SPAG16: variants seen among roughly 807,000 people sequenced by gnomAD.
The protein encoded by SPAG16 is sperm associated antigen 16, also known as sperm-associated antigen 16 protein.
A neutral mutation model predicts 80.4 loss-of-function variants in SPAG16; 86 were observed. The observed-to-expected ratio is 1.07, with a 90% CI of 0.90 to 1.28. SPAG16 has a LOEUF of 1.28. Ranked by LOEUF, SPAG16 falls within the 50% of genes most tolerant of loss-of-function variation. The pLI is 0.00. For missense variants in SPAG16, 870 were observed against 765.3 expected (o/e 1.14, Z -1.61); for synonymous variants, 294 against 265.9 (o/e 1.11, Z -1.03).
intron 12 of SPAG16, among the ~76,000 whole-genome samples, chr2:213,960,593 T>C (rs542320665): frequency 3.4e-4 from 52 of 152,316 alleles, no homozygotes; most frequent in African/African-American, 1.2e-3. Context: ...TTGTAGGCAG[T>C]CTGTGTGCCA....
At chr2:213,595,343 T>C (rs2060849795) in intron 10 of SPAG16, among the ~76,000 whole-genome samples, 2 of 152,160 alleles carry the variant, frequency 1.3e-5, no homozygotes, top group African/African-American at 4.8e-5. Flanking sequence ...TCATTAATAA[T>C]ATCATTTCTT....
chr2:213,890,874 C>T (rs1559556885), intron 11 of SPAG16, among the ~76,000 whole-genome samples: 1 of 151,918 alleles, frequency 6.6e-6, no homozygotes, highest in Non-Finnish European at 1.5e-5. Context: ...GTTTAATTGA[C>T]ATCATTTTGA....
intron 15 of SPAG16, among the ~76,000 whole-genome samples, chr2:214,183,844 C>G (rs933954507): frequency 6.6e-6 from 1 of 151,932 alleles, no homozygotes; most frequent in African/African-American, 2.4e-5. Context: ...TATAGATTAC[C>G]CCATCTGAGA....
At chr2:213,835,988 G>A (rs922416899) in intron 10 of SPAG16, among the ~76,000 whole-genome samples, 2 of 152,040 alleles carry the variant, frequency 1.3e-5, no homozygotes, top group African/African-American at 4.8e-5. Context: ...GTAACTGTTT[G>A]TATATGTTGA....
intron 10 of SPAG16, among the ~76,000 whole-genome samples, chr2:213,795,946 T>C (rs1391837459): frequency 2.6e-5 from 4 of 152,146 alleles, no homozygotes; most frequent in African/African-American, 9.7e-5. Flanking sequence ...CAGCCTCAAG[T>C]GTTTCTTTAT....
intron 10 of SPAG16, among the ~76,000 whole-genome samples, chr2:213,837,270 G>T (rs1313371569): frequency 6.6e-6 from 1 of 152,146 alleles, no homozygotes; most frequent in African/African-American, 2.4e-5. Flanking sequence ...GAGAAAATTA[G>T]AATCTATTTA....
chr2:213,380,488 G>C (rs373306213), intron 9 of SPAG16, among the ~76,000 whole-genome samples: 5 of 152,128 alleles, frequency 3.3e-5, no homozygotes, highest in Admixed American at 6.6e-5. Context: ...TGTGCCTTCG[G>C]GACCTGCTTG....
At chr2:213,488,141 T>C (rs1265005911) in intron 9 of SPAG16, among the ~76,000 whole-genome samples, 1 of 152,104 alleles carries the variant, frequency 6.6e-6, no homozygotes, top group Non-Finnish European at 1.5e-5. Context: ...TTTAGTGATA[T>C]ATTAAAAGAA....
At chr2:214,003,827 A>G (rs1468844767) in intron 12 of SPAG16, among the ~76,000 whole-genome samples, 2 of 152,210 alleles carry the variant, frequency 1.3e-5, no homozygotes, top group Non-Finnish European at 2.9e-5. Context: ...CTTACTGACA[A>G]ATGTACGTTC....
chr2:214,060,777 C>T (rs2050221246), intron 13 of SPAG16, among the ~76,000 whole-genome samples: 1 of 152,008 alleles, frequency 6.6e-6, no homozygotes, highest in Non-Finnish European at 1.5e-5. Flanking sequence ...TGGAATGCTA[C>T]AACACAAATA....
chr2:213,916,371 A>G (rs2077970530), intron 11 of SPAG16, among the ~76,000 whole-genome samples: 1 of 152,204 alleles, frequency 6.6e-6, no homozygotes, highest in Non-Finnish European at 1.5e-5. Context: ...TAAATAGGGA[A>G]TTCTTTCCCC....
At chr2:213,544,694 A>G (rs1385492639) in intron 10 of SPAG16, among the ~76,000 whole-genome samples, 1 of 151,788 alleles carries the variant, frequency 6.6e-6, no homozygotes, top group Admixed American at 6.6e-5. Flanking sequence ...CCCCCCTCGT[A>G]CCCCTGGCAA....
At chr2:213,728,509 G>C (rs1174487820) in intron 10 of SPAG16, among the ~76,000 whole-genome samples, 4 of 152,154 alleles carry the variant, frequency 2.6e-5, no homozygotes, top group African/African-American at 9.7e-5. Flanking sequence ...TAGAGAACAC[G>C]TTATAGTCTC....
intron 11 of SPAG16, among the ~76,000 whole-genome samples, chr2:213,917,885 A>G (rs906984672): frequency 5.9e-5 from 9 of 152,158 alleles, no homozygotes; most frequent in Admixed American, 4.6e-4. Context: ...GCTTTTGCCC[A>G]TTCAGTATGA....
At chr2:213,495,665 A>C (rs1452122321) in intron 10 of SPAG16, among the ~76,000 whole-genome samples, 1 of 152,222 alleles carries the variant, frequency 6.6e-6, no homozygotes, top group African/African-American at 2.4e-5. Flanking sequence ...AAAGTGAGAC[A>C]GAGGGAAACT....
chr2:213,332,249 A>G (rs1019801900), intron 5 of SPAG16, among the ~76,000 whole-genome samples: 2 of 152,294 alleles, frequency 1.3e-5, no homozygotes, highest in African/African-American at 4.8e-5. Context: ...ATCAGTAGCT[A>G]CTATGACCAA....
chr2:213,705,442 T>G (rs1181771020), intron 10 of SPAG16, among the ~76,000 whole-genome samples: 1 of 151,258 alleles, frequency 6.6e-6, no homozygotes, highest in Admixed American at 6.6e-5. Context: ...GTTTTTTTGT[T>G]TGTTTTGTTT....
At chr2:213,679,310 G>C (rs1288743388) in intron 10 of SPAG16, among the ~76,000 whole-genome samples, 1 of 152,120 alleles carries the variant, frequency 6.6e-6, no homozygotes, top group Non-Finnish European at 1.5e-5. Context: ...TTCTTTCAGA[G>C]TTTGAATTGG....
intron 15 of SPAG16, among the ~76,000 whole-genome samples, chr2:214,354,999 C>G (rs1483129042): frequency 6.6e-6 from 1 of 152,116 alleles, no homozygotes; most frequent in Non-Finnish European, 1.5e-5. Context: ...ATTTCCTTCT[C>G]CTGCCTAATT....
Sources: allele counts gnomAD v4.1 joint callset (sites outside exome capture counted in the v4.1 genomes callset), GRCh38; gene constraint gnomAD v4.1.1; transcripts MANE v1.5; gene names NCBI Gene and HGNC (gene_info 2026-07-23, HGNC 2026-07-21).